Variants in DIAPH2 observed in about 807,000 individuals in gnomAD.
The protein encoded by DIAPH2 is diaphanous related formin 2.
A neutral mutation model predicts 92.7 loss-of-function variants in DIAPH2; 35 were observed. The observed-to-expected ratio is 0.38, with a 90% CI of 0.29 to 0.50. The LOEUF is 0.50. Among genes scored for constraint, DIAPH2 ranks in the 20% least tolerant of loss-of-function variants. The pLI, the probability that DIAPH2 is intolerant of heterozygous loss-of-function variation, is 0.94. For missense variants in DIAPH2, 701 were observed against 819.5 expected (o/e 0.86, Z 1.77); for synonymous variants, 301 against 280.4 (o/e 1.07, Z -0.73).
chrX:97,351,265 T>C (rs2069209729), intron 24 of DIAPH2, among the ~76,000 whole-genome samples: 1 of 112,444 alleles, frequency 8.9e-6, no homozygotes, highest in Non-Finnish European at 1.9e-5. Flanking sequence ...ACCTATGCTA[T>C]ACAGATGTAG....
At chrX:97,087,745 C>T (rs183672479) in intron 19 of DIAPH2, among the ~76,000 whole-genome samples, 1 of 111,787 alleles carries the variant, frequency 8.9e-6, no homozygotes, top group Non-Finnish European at 1.9e-5. Context: ...TTAGCTGTAA[C>T]CTGTCACTCT....
intron 22 of DIAPH2, among the ~76,000 whole-genome samples, chrX:97,198,324 A>T (rs1011801668): frequency 9.2e-6 from 1 of 108,223 alleles, no homozygotes; most frequent in Non-Finnish European, 1.9e-5. Flanking sequence ...ATACATATAT[A>T]TATACACGCA....
intron 23 of DIAPH2, among the ~76,000 whole-genome samples, chrX:97,308,272 T>C (rs1333709386): frequency 8.9e-6 from 1 of 111,812 alleles, no homozygotes; most frequent in East Asian, 2.8e-4. Context: ...CCTAATTAAA[T>C]GAAACAGTAT....
intron 25 of DIAPH2, among the ~76,000 whole-genome samples, chrX:97,418,345 G>A (rs756828277): frequency 8.9e-6 from 1 of 112,366 alleles, no homozygotes; most frequent in Non-Finnish European, 1.9e-5. Flanking sequence ...CCAAGTATCA[G>A]CAAATTAAGA....
chrX:97,274,625 T>A (rs1448747453), intron 23 of DIAPH2, among the ~76,000 whole-genome samples: 2 of 110,220 alleles, frequency 1.8e-5, no homozygotes, highest in Non-Finnish European at 3.8e-5. Context: ...AGCACAAGTT[T>A]TTTTTTTGTT....
intron 22 of DIAPH2, among the ~76,000 whole-genome samples, chrX:97,238,845 A>G (rs1002386886): frequency 2.7e-5 from 3 of 111,524 alleles, no homozygotes; most frequent in African/African-American, 9.8e-5. Flanking sequence ...TCTTTTTTAC[A>G]TATGCTTTCC....
chrX:96,843,928 G>A (rs916015092), intron 4 of DIAPH2, among the ~76,000 whole-genome samples: 1 of 112,101 alleles, frequency 8.9e-6, no homozygotes, highest in Non-Finnish European at 1.9e-5. Flanking sequence ...GGCTTCACAA[G>A]TACTTGAGGG....
chrX:97,230,077 T>C (rs998459111), intron 22 of DIAPH2, among the ~76,000 whole-genome samples: 5 of 110,066 alleles, frequency 4.5e-5, no homozygotes, highest in Non-Finnish European at 9.5e-5. Flanking sequence ...GGAAGAGCTG[T>C]CATCTTGCTC....
At chrX:96,962,342 T>TATATATACACATATATATATAC (rs1569436483) in intron 16 of DIAPH2, among the ~76,000 whole-genome samples, 1 of 70,172 alleles carries the variant, frequency 1.4e-5, no homozygotes, top group African/African-American at 5.9e-5. Context: ...TATATACATA[T>TATATATACACATATATATATAC]ATATATATAC....
At chrX:97,120,614 G>GTTTTTTTT (rs139009030) in intron 21 of DIAPH2, among the ~76,000 whole-genome samples, 4 of 75,844 alleles carry the variant, frequency 5.3e-5, no homozygotes, top group African/African-American at 1.1e-4. Flanking sequence ...TTTTTTGTGG[G>GTTTTTTTT]TTTTTTTTTT....
At chrX:96,911,303 G>A (rs1381898894) in intron 5 of DIAPH2, among the ~76,000 whole-genome samples, 3 of 111,402 alleles carry the variant, frequency 2.7e-5, no homozygotes, top group African/African-American at 9.8e-5. Context: ...AAGATAACTA[G>A]GACTAAACCA....
At chrX:97,145,282 C>CAGTAGT (rs3044923) in intron 22 of DIAPH2, among the ~76,000 whole-genome samples, 36,452 of 91,839 alleles carry the variant, frequency 0.4, 6,157 homozygotes, top group Middle Eastern at 0.52. Context: ...GAACTACTAC[C>CAGTAGT]AGTAGTAGTA....
intron 17 of DIAPH2, among the ~76,000 whole-genome samples, chrX:97,022,602 G>C (rs1277580214): frequency 1.8e-5 from 2 of 110,868 alleles, no homozygotes; most frequent in African/African-American, 6.6e-5. Flanking sequence ...ACTTAGTTGT[G>C]GAAAATCTGG....
At chrX:96,809,839 A>G (rs2064661654) in intron 4 of DIAPH2, among the ~76,000 whole-genome samples, 2 of 112,048 alleles carry the variant, frequency 1.8e-5, no homozygotes, top group South Asian at 7.4e-4. Flanking sequence ...CCTGCAAAGA[A>G]GATGAACTCA....
Position 96,685,146 on chromosome X carries a change from A to T in DIAPH2, c.88A>T (p.Asn30Tyr). 1 of 1,016,187 alleles carries T rather than the reference A, an allele frequency of 9.8e-7. No individual in the cohort carries two copies. The highest frequency in any genetic ancestry group is 3.7e-5 in the South Asian group (1 of 27,049). 83.7% of individuals were successfully genotyped at this position (1,016,187 alleles called of 1,213,427 possible). ...GGRSNKRSAG[N>Y]RAANEEETKN... ...CCGGAGCAACAAGCGGAGCGCGGGG[A>T]ACCGGGCCGCCAATGAAGAGGAAAC... The change falls in exon 1 of 27, where the codon AAC becomes TAC. Residue 30 changes from asparagine to tyrosine, a missense_variant. Transcript: ENST00000324765.
intron 4 of DIAPH2, among the ~76,000 whole-genome samples, chrX:96,878,754 A>G (rs853487): frequency 0.35 from 38,610 of 110,575 alleles, 5,941 homozygotes; most frequent in South Asian, 0.5. Context: ...GAAAAAGGGA[A>G]CCAACATTTT....
At position 96,762,179 on chromosome X, in the gene DIAPH2, G is replaced by A. The variant is rs183534775; in HGVS notation, c.447+3921G>A. On this transcript the variant is annotated intron_variant, in intron 4 of 26. Transcript: ENST00000324765. ...GACACTGCTTGATATTCAAGTGTGG[G>A]AATCTGATAACAGTGATTTGATTTA... Among the ~76,000 whole-genome samples the A allele has an allele frequency of 7.3e-4, 81 of 111,358 alleles. 1 individual carries two copies. Among genetic ancestry groups the A allele is most frequent in the African/African-American group, 2.6e-3 (80 of 30,779 alleles).
At chrX:97,526,307 A>C (rs1403078590) in intron 26 of DIAPH2, among the ~76,000 whole-genome samples, 2 of 111,509 alleles carry the variant, frequency 1.8e-5, no homozygotes, top group African/African-American at 6.5e-5. Flanking sequence ...GTGACACCGA[A>C]CATGAGGTTG....
intron 17 of DIAPH2, among the ~76,000 whole-genome samples, chrX:97,061,659 C>T (rs1362785652): frequency 9.3e-6 from 1 of 107,085 alleles, no homozygotes; most frequent in African/African-American, 3.4e-5. Context: ...AAAAAAAATA[C>T]AAAAATTAGC....
Sources: gnomAD v4.1 joint callset for allele counts (sites outside exome capture counted in the v4.1 genomes callset) on GRCh38, gnomAD v4.1.1 for gene constraint, MANE v1.5 for transcripts, NCBI Gene and HGNC (gene_info 2026-07-23, HGNC 2026-07-21) for gene names.